Variants in JAG1 observed in about 807,000 individuals in gnomAD.
JAG1 encodes jagged canonical Notch ligand 1.
In JAG1, 23 loss-of-function variants were observed where a neutral mutation model predicts 148.7. The ratio of observed to expected loss-of-function variants is 0.15; its 90% CI spans 0.11 to 0.22. The LOEUF is 0.22. JAG1 is among the 10% of genes least tolerant of loss of function. The probability of loss-of-function intolerance (pLI) is 1.00; values close to 1 mark genes in which losing one functional copy is unlikely to be tolerated. For missense variants in JAG1, 1,054 were observed against 1,611.2 expected (o/e 0.65, Z 5.92); for synonymous variants, 572 against 598.3 (o/e 0.96, Z 0.64).
At chr20:10,655,192 G>A (rs1282249670) in intron 5 of JAG1, among the ~76,000 whole-genome samples, 2 of 152,178 alleles carry the variant, frequency 1.3e-5, no homozygotes, top group Non-Finnish European at 2.9e-5. Flanking sequence ...GGGAACAGAC[G>A]GAGCGGTGGA....
intron 2 of JAG1, among the ~76,000 whole-genome samples, chr20:10,672,496 A>G (rs911669592): frequency 2.6e-5 from 4 of 152,172 alleles, no homozygotes; most frequent in African/African-American, 9.7e-5. Flanking sequence ...AGCAAATAGC[A>G]GCAGGAATGG....
intron 13 of JAG1, 96 bp downstream of exon 13, chr20:10,647,864 T>C: frequency 1.5e-6 from 2 of 1,326,602 alleles, no homozygotes; most frequent in Admixed American, 3.5e-5. Flanking sequence ...TCCTCACCAA[T>C]ACATTACTTC....
chr20:10,652,840 G>T (rs2067356004), intron 5 of JAG1: 1 of 432,678 alleles, frequency 2.3e-6, no homozygotes, highest in East Asian at 4.7e-5. Flanking sequence ...GCATGGGGAT[G>T]CCCTTCACAA....
At chr20:10,652,026 GC>G in intron 7 of JAG1, 104 bp downstream of exon 7, 1 of 1,296,646 alleles carries the variant, frequency 7.7e-7, no homozygotes, top group South Asian at 1.2e-5. Flanking sequence ...ATCTTTGGAA[GC>G]TATTTTCACT....
In JAG1 at chr20:10,643,891, C is replaced by T. The variant is rs752939939; in HGVS notation, c.2373-28G>A. 11 of 1,560,132 alleles carry T rather than the reference C, an allele frequency of 7.1e-6. No individual in the cohort carries two copies. In the African/African-American group the frequency reaches 1.4e-4, roughly 19 times the overall value. ...AAGAAAGCAAAGACCACCTTGGTTACCAACCTCCCAGTCCATTACTCTGGC... is the reference window on the plus strand; with the variant it reads ...AAGAAAGCAAAGACCACCTTGGTTATCAACCTCCCAGTCCATTACTCTGGC... On this transcript the variant is annotated intron_variant, in intron 19 of 25. Transcript: ENST00000254958.
chr20:10,642,009 C>T, intron 21 of JAG1, 117 bp from the exon 22 acceptor site: 1 of 769,142 alleles, frequency 1.3e-6, no homozygotes, highest in Non-Finnish European at 2.3e-6. Flanking sequence ...TAAGATCATT[C>T]TTCCCACAGT....
In JAG1 at chr20:10,641,886, C is replaced by T. The variant is rs762121866; in HGVS notation, c.2579G>A (p.Gly860Glu). 4.4e-6 allele frequency: 7 copies of T among 1,608,258 alleles called. No individual in the cohort carries two copies. The highest frequency in any genetic ancestry group is 6.0e-6 in the Non-Finnish European group (7 of 1,174,730). ...HSGAKCQEVSGRPCITMGSVI... is the reference protein window; with the variant it reads ...HSGAKCQEVSERPCITMGSVI... Reference sequence around the variant, plus strand: ...ACTCCCCATGGTGATGCAAGGTCTCCCTGAAACTGACAGGTGGAGACGGGT... The same window carrying T: ...ACTCCCCATGGTGATGCAAGGTCTCTCTGAAACTGACAGGTGGAGACGGGT... The change falls in exon 22 of 26, where the codon GGG (glycine) becomes GAG (glutamate). Residue 860 changes from glycine to glutamate, a missense_variant. By Grantham distance (98) the Gly-to-Glu change is moderately conservative. Coordinates refer to ENST00000254958, the MANE Select transcript of JAG1 (RefSeq NM_000214.3).
intron 2 of JAG1, among the ~76,000 whole-genome samples, chr20:10,666,810 G>C (rs2067457028): frequency 6.6e-6 from 1 of 152,210 alleles, no homozygotes; most frequent in Non-Finnish European, 1.5e-5. Flanking sequence ...CTTCGGAATT[G>C]CTTTTTGGAA....
rs542746042 is a variant in JAG1 at position 10,639,096 on chromosome 20, C to T, written c.*402G>A. ...ACTTTCAAATACAGAACTACTTGTA[C>T]GTCATCATAAAACCAATATACAAAA... On this transcript the variant is annotated 3_prime_UTR_variant, in exon 26 of 26. Transcript: ENST00000254958. 15 of 231,314 alleles carry T rather than the reference C, an allele frequency of 6.5e-5. No homozygotes were observed. In the East Asian group the frequency reaches 1.1e-3, roughly 17 times the overall value. The allele number at this position is 231,314 out of a possible 1,614,324, so 14.3% of individuals were successfully genotyped here.
At chr20:10,663,448 G>A (rs1013068240) in intron 3 of JAG1, among the ~76,000 whole-genome samples, 1 of 152,238 alleles carries the variant, frequency 6.6e-6, no homozygotes, top group African/African-American at 2.4e-5. Context: ...GGTAATGGCT[G>A]TGAAGCTCTG....
At position 10,652,198 on chromosome 20, in the gene JAG1, G is replaced by A. The variant is rs1386388149; in HGVS notation, c.939C>T (p.Ser313=). 3.1e-6 allele frequency: 5 copies of A among 1,613,850 alleles called. No individual in the cohort carries two copies. Among genetic ancestry groups the A allele is most frequent in the Non-Finnish European group, 4.2e-6 (5 of 1,179,864 alleles). ...ACTGATATTTGTCAGGGCCTGTGTT[G>A]CTACAAGTTCCCCCGTTGAGACACG... ...HQPCLNGGTC[S]NTGPDKYQCS... is the part of the protein sequence containing the mutation. Residue 313 remains serine (S), a synonymous_variant, in exon 7 of 26, where the codon AGC becomes AGT. Transcript: ENST00000254958.
At position 10,673,342 on chromosome 20, in the gene JAG1, G is replaced by T. The variant is rs2067511786; in HGVS notation, c.81+108C>A. On this transcript the variant is annotated intron_variant, in intron 1 of 25. Coordinates refer to ENST00000254958, the MANE Select transcript of JAG1 (RefSeq NM_000214.3). The surrounding 1 kb of genome is among the most constrained non-coding windows in gnomAD (Gnocchi z 4.7). ...AGCCGCTCGGGCGCAGGGGCGAGGA[G>T]TCGGGCGCTCGAGGGCTGCCGAGCC... 2 of 855,272 alleles carry T rather than the reference G, an allele frequency of 2.3e-6. No individual in the cohort carries two copies. The highest frequency in any genetic ancestry group is 3.5e-6 in the Non-Finnish European group (2 of 564,930). The allele number at this position is 855,272 out of a possible 1,614,324, so 53.0% of individuals were successfully genotyped here. A position where few individuals can be genotyped will look rare whatever the true frequency, so the allele number is the denominator to read the frequency against.
At chr20:10,670,700 A>C (rs2067489140) in intron 2 of JAG1, among the ~76,000 whole-genome samples, 1 of 152,214 alleles carries the variant, frequency 6.6e-6, no homozygotes, top group African/African-American at 2.4e-5. Flanking sequence ...AGACTTGTTT[A>C]TGAGTGATAC....
rs747203032 is a variant in JAG1 at position 10,658,689 on chromosome 20, G to C, written c.473C>G (p.Ser158Trp). Residue 158 changes from serine (S) to tryptophan (W), a missense_variant, in exon 4 of 26, where the codon TCG (serine) becomes TGG (tryptophan). By Grantham distance (177) the Ser-to-Trp change is radical. Coordinates refer to ENST00000254958, the MANE Select transcript of JAG1 (RefSeq NM_000214.3). ...CTGCCGGCTGGGGTTGATCATGCCC[G>C]AGTGAGAAGCCTTTTCAATAATACT... ...PDSIIEKASH[S>W]GMINPSRQWQ... The C allele has an allele frequency of 6.2e-7, 1 of 1,614,182 alleles. No homozygotes were observed. Among genetic ancestry groups the C allele is most frequent in the Middle Eastern group, 1.6e-4 (1 of 6,062 alleles).
intron 2 of JAG1, among the ~76,000 whole-genome samples, chr20:10,664,845 T>G (rs1177909325): frequency 6.6e-6 from 1 of 152,210 alleles, no homozygotes; most frequent in Non-Finnish European, 1.5e-5. Flanking sequence ...GCACCTTTTA[T>G]CTTCCAAGCT....
intron 2 of JAG1, among the ~76,000 whole-genome samples, chr20:10,666,059 G>A (rs1448160648): frequency 6.6e-6 from 1 of 152,116 alleles, no homozygotes; most frequent in Non-Finnish European, 1.5e-5. Context: ...GAGACAGGGT[G>A]AGGGCAGGGA....
At chr20:10,642,323 C>A (rs1293711296) in intron 21 of JAG1, among the ~76,000 whole-genome samples, 165 bp downstream of exon 21, 1 of 152,222 alleles carries the variant, frequency 6.6e-6, no homozygotes, top group Non-Finnish European at 1.5e-5. Flanking sequence ...CCAAAAACAA[C>A]AGCTACCTGT....
intron 5 of JAG1, among the ~76,000 whole-genome samples, chr20:10,656,163 GA>G (rs951366968): frequency 2.0e-5 from 3 of 152,238 alleles, no homozygotes; most frequent in African/African-American, 7.2e-5. Flanking sequence ...GTTAATACAT[GA>G]AGTCACTGGC....
Position 10,673,355 on chromosome 20 carries a change from G to A in JAG1, c.81+95C>T, listed in dbSNP as rs2067511909. 3.1e-6 allele frequency: 3 copies of A among 958,850 alleles called. No individual in the cohort carries two copies. Among genetic ancestry groups the A allele is most frequent in the Non-Finnish European group, 4.5e-6 (3 of 660,658 alleles). The allele number at this position is 958,850 out of a possible 1,614,324, so 59.4% of individuals were successfully genotyped here. A position where few individuals can be genotyped will look rare whatever the true frequency, so the allele number is the denominator to read the frequency against. On this transcript the variant is annotated intron_variant, in intron 1 of 25. Coordinates refer to ENST00000254958, the MANE Select transcript of JAG1 (RefSeq NM_000214.3). The surrounding 1 kb of genome is among the most constrained non-coding windows in gnomAD (Gnocchi z 4.7). ...CAGGGGCGAGGAGTCGGGCGCTCGAGGGCTGCCGAGCCTGCTCGCGGGGCT... is the reference window on the plus strand; with the variant it reads ...CAGGGGCGAGGAGTCGGGCGCTCGAAGGCTGCCGAGCCTGCTCGCGGGGCT...
Sources: gnomAD v4.1 joint callset for allele counts (sites outside exome capture counted in the v4.1 genomes callset) on GRCh38, gnomAD v4.1.1 for gene constraint, Gnocchi (gnomAD v3.1) non-coding constraint, MANE v1.5 for transcripts, NCBI Gene and HGNC (gene_info 2026-07-23, HGNC 2026-07-21) for gene names.